IDUA: variants seen among roughly 807,000 people sequenced by gnomAD.
IDUA encodes alpha-L-iduronidase, also known as iduronidase alpha-L-.
A neutral mutation model predicts 68.9 loss-of-function variants in IDUA; 65 were observed. That is an observed-to-expected ratio of 0.94 (90% CI 0.77 to 1.16). IDUA has a LOEUF of 1.16. Among genes scored for constraint, IDUA ranks in the 50% most tolerant of loss-of-function variants. The pLI is 0.00. For missense variants in IDUA, 1,046 were observed against 938.0 expected (o/e 1.12, Z -1.50); for synonymous variants, 529 against 433.6 (o/e 1.22, Z -2.73).
chr4:989,982 C>A (rs1393281106), intron 2 of IDUA: 1 of 1,559,252 alleles, frequency 6.4e-7, no homozygotes, highest in Non-Finnish European at 8.7e-7. Context: ...TGTCGCCAGC[C>A]ACGCTCGAGC....
At chr4:988,360 G>T (rs1182452093) in intron 2 of IDUA, 5 of 1,075,732 alleles carry the variant, frequency 4.6e-6, no homozygotes, top group Non-Finnish European at 5.6e-6. Context: ...GGTGTGAGGG[G>T]CACTTGGGTG....
intron 12 of IDUA, 92 bp downstream of exon 12, chr4:1,003,717 G>C: frequency 1.4e-6 from 2 of 1,416,768 alleles, no homozygotes; most frequent in Non-Finnish European, 2.0e-6. Flanking sequence ...CGGGCCACTT[G>C]CCGTGGCCCA....
rs538705200 is a variant in IDUA, at chr4:1,000,512, C to A, written c.300-100C>A. 6.1e-4 allele frequency: 575 copies of A among 943,468 alleles called. 2 individuals are homozygous for A. The African/African-American group carries it at 7.8e-3, about 13-fold the overall frequency. The allele number at this position is 943,468 out of a possible 1,614,324, so 58.4% of individuals were successfully genotyped here. A position where few individuals can be genotyped will look rare whatever the true frequency, so the allele number is the denominator to read the frequency against. Reference sequence around the variant, plus strand: ...GCCGGGATCGGAGTCCTGTGTGGCACCTTGCAGGCTCCCACATGCTCCGTT... The same window carrying A: ...GCCGGGATCGGAGTCCTGTGTGGCAACTTGCAGGCTCCCACATGCTCCGTT... On this transcript the variant is annotated intron_variant, in intron 2 of 13. Coordinates refer to ENST00000514224, the MANE Select transcript of IDUA (RefSeq NM_000203.5).
At chr4:989,340 A>G (rs1377274339) in intron 2 of IDUA, 10 of 1,604,354 alleles carry the variant, frequency 6.2e-6, no homozygotes, top group Non-Finnish European at 8.5e-6. Context: ...CGCCGGGCTC[A>G]GGGACGAGGC....
intron 2 of IDUA, among the ~76,000 whole-genome samples, chr4:997,822 G>T (rs1183594927): frequency 6.6e-6 from 1 of 152,212 alleles, no homozygotes; most frequent in East Asian, 1.9e-4. Context: ...CCCTGTCCCG[G>T]GCTCCCCTCG....
rs202051939 is a variant in IDUA, at chr4:1,001,995, C to A, written c.806C>A (p.Ser269Tyr). Reference sequence around the variant, plus strand: ...CCCCGCCCGCAGGGTGCGCGCAGCTCCATCTCCATCCTGGAGCAGGAGAAG... The same window carrying A: ...CCCCGCCCGCAGGGTGCGCGCAGCTACATCTCCATCCTGGAGCAGGAGAAG... ...ISLHRKGARS[S>Y]ISILEQEKVV... The change falls in exon 7 of 14, where the codon TCC becomes TAC. Residue 269 changes from serine to tyrosine, a missense_variant. Ser to Tyr is a moderately radical substitution (Grantham distance 144, BLOSUM62 -2). Transcript: ENST00000514224. 1 of 1,588,364 alleles carries A rather than the reference C, an allele frequency of 6.3e-7. No homozygotes were observed. The highest frequency in any genetic ancestry group is 2.3e-5 in the East Asian group (1 of 43,944).
rs542584059 is a variant in IDUA, at chr4:1,003,911, T to A, written c.1728-101T>A. Reference sequence around the variant, plus strand: ...GGCTGGGGAGGTGCCGCCGAGGGGCTTGAGGGAATGAGGCTGTGGGTCCAC... The same window carrying A: ...GGCTGGGGAGGTGCCGCCGAGGGGCATGAGGGAATGAGGCTGTGGGTCCAC... On this transcript the variant is annotated intron_variant, in intron 12 of 13. Transcript: ENST00000514224. The A allele has an allele frequency of 5.5e-4, 565 of 1,021,444 alleles. No individual in the cohort carries two copies. In the African/African-American group the frequency reaches 8.3e-3, roughly 15 times the overall value. The allele number at this position is 1,021,444 out of a possible 1,614,324, so 63.3% of individuals were successfully genotyped here.
At position 1,000,986 on chromosome 4, in the gene IDUA, A is replaced by G. The variant is rs141349021; in HGVS notation, c.490A>G (p.Ile164Val). The change falls in exon 4 of 14, where the codon ATC becomes GTC. Residue 164 changes from isoleucine to valine, a missense_variant. Physicochemically the swap from Ile to Val is conservative, Grantham distance 29. Coordinates refer to ENST00000514224, the MANE Select transcript of IDUA (RefSeq NM_000203.5). ...GGTCTCCAGCCTGGCCAGGAGATAC[A>G]TCGGTGGGCGAGCGCAGGCCCTGGG... ...DLVSSLARRY[I>V]GRYGLAHVSK... 20 of 1,609,524 alleles carry G rather than the reference A, an allele frequency of 1.2e-5. No homozygotes were observed. The highest frequency in any genetic ancestry group is 2.7e-5 in the African/African-American group (2 of 74,886).
chr4:988,464 AG>A, intron 2 of IDUA: 1 of 1,103,018 alleles, frequency 9.1e-7, no homozygotes, highest in Non-Finnish European at 1.1e-6. Context: ...GCCTGGGCAT[AG>A]GGAGTCCTCT....
intron 2 of IDUA, chr4:992,130 A>G (rs1205933320): frequency 2.1e-6 from 1 of 485,662 alleles, no homozygotes; most frequent in Non-Finnish European, 4.0e-6. Context: ...CTGGGCTGCC[A>G]CCACGCACAT....
intron 2 of IDUA, chr4:988,675 T>C (rs1713945993): frequency 7.1e-7 from 1 of 1,414,714 alleles, no homozygotes; most frequent in Non-Finnish European, 9.2e-7. Flanking sequence ...GAGGGCCTCC[T>C]TTCCCAGTTG....
chr4:994,598 C>T (rs1255080693), intron 2 of IDUA, among the ~76,000 whole-genome samples: 2 of 151,818 alleles, frequency 1.3e-5, no homozygotes, highest in African/African-American at 2.4e-5. Context: ...CCACCACGCC[C>T]GGCTAATTTT....
Position 1,001,798 on chromosome 4 carries a change from C to T in IDUA, c.709C>T (p.Leu237Phe), listed in dbSNP as rs74385837. The change falls in exon 6 of 14, where the codon CTC becomes TTC. Residue 237 changes from leucine (L) to phenylalanine (F), a missense_variant. Leu to Phe is a conservative substitution (Grantham distance 22). Coordinates refer to ENST00000514224, the MANE Select transcript of IDUA (RefSeq NM_000203.5). Reference sequence around the variant, plus strand: ...ACCGCGATCCCCGCTGAGCTGGGGCCTCCTGCGCCACTGCCACGACGGTAC... The same window carrying T: ...ACCGCGATCCCCGCTGAGCTGGGGCTTCCTGCGCCACTGCCACGACGGTAC... ...TPPRSPLSWG[L>F]LRHCHDGTNF... The T allele has an allele frequency of 8.8e-4, 1,420 of 1,604,662 alleles. 11 individuals are homozygous for T. The African/African-American group carries it at 0.017, about 19-fold the overall frequency.
chr4:1,000,827 G>C (rs1715026913), intron 3 of IDUA, 55 bp from the exon 4 acceptor site: 1 of 1,530,558 alleles, frequency 6.5e-7, no homozygotes, highest in Admixed American at 1.7e-5. Context: ...CACAGGCCTG[G>C]CAGAGCATGG....
intron 2 of IDUA, chr4:1,000,002 C>G (rs1245762835): frequency 6.8e-6 from 1 of 146,828 alleles, no homozygotes; most frequent in Non-Finnish European, 1.5e-5. Context: ...AGGGCGGCCC[C>G]CTTCTCCCTT....
At position 987,108 on chromosome 4, in the gene IDUA, C is replaced by A. The variant is rs11248061; in HGVS notation, c.24C>A (p.Ala8=). The stretch of plus-strand genomic sequence containing the variant: ...CCATGCGTCCCCTGCGCCCCCGCGC[C>A]GCGCTGCTGGCGCTCCTGGCCTCGC... The part of the protein sequence containing the change: MRPLRPR[A]ALLALLASLL... Residue 8 remains alanine (A), a synonymous_variant, in exon 1 of 14, where the codon GCC becomes GCA. Transcript: ENST00000514224. The A allele has an allele frequency of 0.42, 613,849 of 1,446,924 alleles. 131,904 individuals carry two copies. Among genetic ancestry groups the A allele is most frequent in the Admixed American group, 0.53 (21,121 of 39,886 alleles). The allele number at this position is 1,446,924 out of a possible 1,614,324, so 89.6% of individuals were successfully genotyped here.
At position 1,003,513 on chromosome 4, in the gene IDUA, C is replaced by G. The variant is rs372923485; in HGVS notation, c.1651-36C>G. The stretch of plus-strand genomic sequence containing the variant: ...AACCCGCGCCGCGGCCCGGACTCCC[C>G]TTCCCCGACGCCATCACAGCCCTTC... On this transcript the variant is annotated intron_variant, in intron 11 of 13. Coordinates refer to ENST00000514224, the MANE Select transcript of IDUA (RefSeq NM_000203.5). 5 of 1,605,020 alleles carry G rather than the reference C, an allele frequency of 3.1e-6. No homozygotes were observed. The Admixed American group carries it at 8.4e-5, about 27-fold the overall frequency.
rs1560547997 is a variant in IDUA, at chr4:1,002,342, A to ACAATGC, written c.1048_1053dup (p.Asn350_Ala351dup). The ACAATGC allele has an allele frequency of 1.2e-6, 2 of 1,613,160 alleles. No homozygotes were observed. The highest frequency in any genetic ancestry group is 1.7e-6 in the Non-Finnish European group (2 of 1,179,700). ...TTCCCCTACGCGCTCCTGAGCAACG[A>ACAATGC]CAATGCCTTCCTGAGCTACCACCCG... is the stretch of plus-strand genomic sequence containing the variant. On this transcript the variant is annotated inframe_insertion, in exon 8 of 14. Coordinates refer to ENST00000514224, the MANE Select transcript of IDUA (RefSeq NM_000203.5).
chr4:989,173 T>C (rs767912977), intron 2 of IDUA: 2 of 1,607,176 alleles, frequency 1.2e-6, no homozygotes, highest in Non-Finnish European at 8.5e-7. Flanking sequence ...GTCCTCGCCC[T>C]GGGCAGGGCC....
Sources: allele counts gnomAD v4.1 joint callset (sites outside exome capture counted in the v4.1 genomes callset), GRCh38; gene constraint gnomAD v4.1.1; transcripts MANE v1.5; gene names NCBI Gene and HGNC (gene_info 2026-07-23, HGNC 2026-07-21).